PTPRD: variants seen among roughly 807,000 people sequenced by gnomAD.
PTPRD encodes the protein receptor-type tyrosine-protein phosphatase delta.
PTPRD carries 34 observed loss-of-function variants against 214.5 expected under a neutral mutation model. The observed-to-expected ratio is 0.16, with a 90% CI of 0.12 to 0.21. PTPRD has a LOEUF of 0.21. Ranked by LOEUF, PTPRD falls within the 10% of genes least tolerant of loss-of-function variation. PTPRD has a pLI of 1.00. For synonymous variants in PTPRD, 1,128 were observed against 845.7 expected, an observed-to-expected ratio of 1.33 and a Z score of -5.79; for missense variants, 2,545 against 2,398.7, an observed-to-expected ratio of 1.06 and a Z score of -1.27.
intron 5 of PTPRD, among the ~76,000 whole-genome samples, chr9:9,815,180 T>G (rs925384862): frequency 6.6e-6 from 1 of 152,114 alleles, no homozygotes; most frequent in Non-Finnish European, 1.5e-5. Context: ...TGGATCAGAA[T>G]AGAGAGCCCA....
chr9:9,593,549 G>A lies in PTPRD; in HGVS notation c.-286-18768C>T, dbSNP rs578252115. Among the ~76,000 whole-genome samples the A allele has an allele frequency of 2.6e-5, 4 of 152,002 alleles. No individual in the cohort carries two copies. In the South Asian group the frequency reaches 6.2e-4, roughly 24 times the overall value. On this transcript the variant is annotated intron_variant, in intron 7 of 45. Transcript: ENST00000381196. ...TCCTGATAAAAAATGTTAATATGGA[G>A]GGAGTCACCCCAGATTACTAAAAAG...
intron 2 of PTPRD, among the ~76,000 whole-genome samples, chr9:10,345,967 A>G (rs2097071620): frequency 6.6e-6 from 1 of 152,176 alleles, no homozygotes; most frequent in African/African-American, 2.4e-5. Flanking sequence ...AACTGATGTG[A>G]GATGGTATTT....
rs575733897 is a variant in PTPRD, at chr9:8,458,690, T to G, written c.3875+1721A>C. On this transcript the variant is annotated intron_variant, in intron 33 of 45. Coordinates refer to ENST00000381196, the MANE Select transcript of PTPRD (RefSeq NM_002839.4). ...TCTATGATTACTCACGGGGCAGGTG[T>G]GTACCTCATGCTTCCTGCCCTTATC... Among the ~76,000 whole-genome samples the G allele has an allele frequency of 3.3e-5, 5 of 152,226 alleles. No homozygotes were observed. The East Asian group carries it at 9.7e-4, about 29-fold the overall frequency.
Position 10,365,569 on chromosome 9 carries a change from C to T in PTPRD, c.-599-24552G>A, listed in dbSNP as rs114481195. On this transcript the variant is annotated intron_variant, in intron 2 of 45. Transcript: ENST00000381196. ...ATGTACTTTATCACTGACTTTCTATCGTACTTTAAATGTATTTTCTGAGAC... is the reference window on the plus strand; with the variant it reads ...ATGTACTTTATCACTGACTTTCTATTGTACTTTAAATGTATTTTCTGAGAC... 5.9e-3 allele frequency among the ~76,000 whole-genome samples: 893 copies of T among 152,178 alleles called. 8 individuals are homozygous for T. The highest frequency in any genetic ancestry group is 0.021 in the African/African-American group (857 of 41,520).
intron 6 of PTPRD, among the ~76,000 whole-genome samples, chr9:9,742,664 A>G (rs1052501479): frequency 1.3e-5 from 2 of 152,226 alleles, no homozygotes; most frequent in Middle Eastern, 3.4e-3. Context: ...CAGATTTACA[A>G]AAAACATGGT....
intron 3 of PTPRD, among the ~76,000 whole-genome samples, chr9:10,236,859 G>C (rs1564706637): frequency 1.3e-5 from 2 of 151,600 alleles, no homozygotes; most frequent in Admixed American, 6.6e-5. Flanking sequence ...GTTAATTTTT[G>C]TTTATAACTG....
At chr9:8,325,057 C>T (rs943625215) in intron 44 of PTPRD, among the ~76,000 whole-genome samples, 3 of 150,238 alleles carry the variant, frequency 2.0e-5, no homozygotes, top group East Asian at 1.9e-4. Flanking sequence ...TGCCTGTTCA[C>T]TCTGATGGTA....
intron 3 of PTPRD, among the ~76,000 whole-genome samples, chr9:10,058,140 T>A (rs2097693481): frequency 6.6e-6 from 1 of 152,080 alleles, no homozygotes; most frequent in African/African-American, 2.4e-5. Flanking sequence ...TGTGAAGGTA[T>A]CTCTTTTCCA....
chr9:8,627,376 C>G (rs747729805), intron 14 of PTPRD, among the ~76,000 whole-genome samples: 29 of 151,964 alleles, frequency 1.9e-4, no homozygotes, highest in South Asian at 1.5e-3. Flanking sequence ...TGGACCTTGG[C>G]TCCTTACATC....
At chr9:8,329,833 C>T (rs1039446950) in intron 44 of PTPRD, among the ~76,000 whole-genome samples, 1 of 152,126 alleles carries the variant, frequency 6.6e-6, no homozygotes, top group Non-Finnish European at 1.5e-5. Context: ...ACAGCCTACT[C>T]TAGCCTCAGC....
At chr9:10,425,829 T>C (rs1025676583) in intron 2 of PTPRD, among the ~76,000 whole-genome samples, 3 of 151,940 alleles carry the variant, frequency 2.0e-5, no homozygotes, top group African/African-American at 7.2e-5. Flanking sequence ...TTATAAAATA[T>C]ATTAAAACAC....
At chr9:8,809,453 C>A (rs1435957931) in intron 11 of PTPRD, among the ~76,000 whole-genome samples, 5 of 152,108 alleles carry the variant, frequency 3.3e-5, no homozygotes, top group Non-Finnish European at 7.4e-5. Flanking sequence ...ACCCAATAAC[C>A]AACGTCTTTC....
chr9:10,361,738 T>C (rs991167143), intron 2 of PTPRD, among the ~76,000 whole-genome samples: 1 of 152,172 alleles, frequency 6.6e-6, no homozygotes, highest in African/African-American at 2.4e-5. Context: ...AATAGTATTA[T>C]ACTATTTAAA....
chr9:9,282,883 G>A (rs1176109729), intron 9 of PTPRD, among the ~76,000 whole-genome samples: 2 of 151,434 alleles, frequency 1.3e-5, no homozygotes, highest in African/African-American at 2.4e-5. Flanking sequence ...CACATTATAA[G>A]TTGTCATTTT....
intron 9 of PTPRD, among the ~76,000 whole-genome samples, chr9:9,342,336 G>T (rs2047118368): frequency 6.6e-6 from 1 of 152,060 alleles, no homozygotes; most frequent in South Asian, 2.1e-4. Context: ...TTAAAAAGAG[G>T]TGGAGAAGAT....
chr9:9,670,725 G>A (rs762993057), intron 7 of PTPRD, among the ~76,000 whole-genome samples: 1 of 152,200 alleles, frequency 6.6e-6, no homozygotes, highest in Non-Finnish European at 1.5e-5. Context: ...GAGGTTGCAG[G>A]CCTCAAGCCT....
chr9:9,063,339 AAATAGCAG>A (rs575892353), intron 10 of PTPRD, among the ~76,000 whole-genome samples: 48 of 152,298 alleles, frequency 3.2e-4, no homozygotes, highest in Admixed American at 2.2e-3. Context: ...TTTTGAAAGT[AAATAGCAG>A]AATGATGATT....
chr9:10,107,966 G>C (rs942042289), intron 3 of PTPRD, among the ~76,000 whole-genome samples: 2 of 152,046 alleles, frequency 1.3e-5, no homozygotes, highest in African/African-American at 4.8e-5. Flanking sequence ...TGATCATTCA[G>C]ATACGGGTGA....
chr9:8,623,887 C>CA lies in PTPRD; in HGVS notation c.352+9429dup, dbSNP rs998436001. On this transcript the variant is annotated intron_variant, in intron 14 of 45. Transcript: ENST00000381196. ...CACCAAGGTTGGTAACAGAAATAAT[C>CA]AAAAAAACAAAACAAACGAATAAAC... 6.6e-5 allele frequency among the ~76,000 whole-genome samples: 10 copies of CA among 151,786 alleles called. No homozygotes were observed. The South Asian group carries it at 1.9e-3, about 28-fold the overall frequency.
Sources: gnomAD v4.1 joint callset for allele counts (sites outside exome capture counted in the v4.1 genomes callset) on GRCh38, gnomAD v4.1.1 for gene constraint, MANE v1.5 for transcripts, NCBI Gene and HGNC (gene_info 2026-07-23, HGNC 2026-07-21) for gene names.